STARD9: variants seen among roughly 807,000 people sequenced by gnomAD.
The protein encoded by STARD9 is stAR-related lipid transfer protein 9.
In STARD9, 346 loss-of-function variants were observed where a neutral mutation model predicts 399.8. That is an observed-to-expected ratio of 0.87 (90% CI 0.79 to 0.95). The LOEUF (loss-of-function observed/expected upper bound fraction) is 0.95. Among genes scored for constraint, STARD9 ranks in the 40% least tolerant of loss-of-function variants. The pLI, the probability that STARD9 is intolerant of heterozygous loss-of-function variation, is 0.00. For missense variants in STARD9, 5,832 were observed against 5,667.5 expected (o/e 1.03, Z -0.93); for synonymous variants, 2,203 against 2,143.5 (o/e 1.03, Z -0.77).
intron 3 of STARD9, among the ~76,000 whole-genome samples, chr15:42,617,879 C>T (rs769089032): frequency 9.9e-5 from 15 of 152,088 alleles, no homozygotes; most frequent in Admixed American, 3.9e-4. Context: ...CCAGCCTCAG[C>T]CTCCAGAGTA....
Position 42,694,679 on chromosome 15 carries a change from C to T in STARD9, c.12916C>T (p.Arg4306Ter), listed in dbSNP as rs971100428. 64 of 1,537,000 alleles carry T rather than the reference C, an allele frequency of 4.2e-5. No homozygotes were observed. Among genetic ancestry groups the T allele is most frequent in the African/African-American group, 8.2e-5 (6 of 73,000 alleles). ...GGATCTTGACTTGCCCAGCAGACGC[C>T]GAGAATACCTGCAGCAACTGAGGAA... ...IWDLDLPSRRREYLQQLRKDV... is the reference protein window; with the variant it reads ...IWDLDLPSRR The change falls in exon 24 of 33, where the codon CGA (arginine) becomes TGA (stop). Residue 4306 changes from arginine to a stop codon, truncating the protein, a stop_gained. Transcript: ENST00000290607. LOFTEE classifies it high-confidence loss of function.
intron 1 of STARD9, among the ~76,000 whole-genome samples, chr15:42,582,431 C>G (rs910002471): frequency 6.6e-6 from 1 of 152,108 alleles, no homozygotes; most frequent in Non-Finnish European, 1.5e-5. Flanking sequence ...TGTGGGTCAT[C>G]TGGATTAAGC....
At chr15:42,617,889 A>T (rs1397732224) in intron 3 of STARD9, among the ~76,000 whole-genome samples, 1 of 151,972 alleles carries the variant, frequency 6.6e-6, no homozygotes, top group Non-Finnish European at 1.5e-5. Context: ...CCTCCAGAGT[A>T]GCTGGGAATG....
intron 1 of STARD9, among the ~76,000 whole-genome samples, chr15:42,579,024 A>C (rs1475305447): frequency 6.6e-6 from 1 of 152,200 alleles, no homozygotes. Context: ...CACCAAATCC[A>C]ACCAGAAATT....
intron 3 of STARD9, among the ~76,000 whole-genome samples, chr15:42,588,776 GTTTTTTTTTTTTTTTTTTTT>G (rs758570571): frequency 0.31 from 11,405 of 36,770 alleles, 1,618 homozygotes; most frequent in East Asian, 0.41. Context: ...TCTTCACAGC[GTTTTTTTTTTTTTTTTTTTT>G]TTTTTTTTTT....
intron 9 of STARD9, among the ~76,000 whole-genome samples, chr15:42,655,962 CAT>C (rs2059860361): frequency 6.6e-6 from 1 of 151,972 alleles, no homozygotes; most frequent in South Asian, 2.1e-4. Flanking sequence ...TGGCAACAAA[CAT>C]AGGAAAAAAA....
intron 11 of STARD9, 39 bp downstream of exon 11, chr15:42,662,930 C>A: frequency 2.2e-6 from 3 of 1,348,690 alleles, no homozygotes; most frequent in South Asian, 1.3e-5. Context: ...AGGGAGAGTT[C>A]GGAAAATAAC....
At chr15:42,644,128 G>C (rs2059599468) in intron 7 of STARD9, among the ~76,000 whole-genome samples, 1 of 152,130 alleles carries the variant, frequency 6.6e-6, no homozygotes, top group African/African-American at 2.4e-5. Flanking sequence ...AAATGTTTTG[G>C]TTTCCCAGTG....
At position 42,718,493 on chromosome 15, in the gene STARD9, T is replaced by C. The variant is rs1468135220; in HGVS notation, c.13821T>C (p.Cys4607=). 6.5e-7 allele frequency: 1 copy of C among 1,537,212 alleles called. No individual in the cohort carries two copies. The change falls in exon 31 of 33, where the codon TGT becomes TGC. Residue 4607 remains cysteine, a synonymous_variant. Transcript: ENST00000290607. ...CALKQPRDFC[C]VCVEAKEGHL... is the part of the protein sequence containing the mutation. ...TGAAGCAGCCACGGGATTTCTGTTG[T>C]GTCTGCGTGGAAGCCAAAGAGGTGC... is the stretch of plus-strand genomic sequence containing the variant.
chr15:42,677,426 A>C (rs1287080448), intron 20 of STARD9, among the ~76,000 whole-genome samples: 1 of 152,220 alleles, frequency 6.6e-6, no homozygotes, highest in Non-Finnish European at 1.5e-5. Flanking sequence ...ATAAGGTAGA[A>C]GAGGTGACAC....
In STARD9 at chr15:42,691,051, A is replaced by T; in HGVS notation, c.9473A>T (p.Glu3158Val). ...EGSAESKLVV[E>V]PQHECLENTT... Reference sequence around the variant, plus strand: ...TCTGCTGAGAGCAAGTTGGTGGTAGAGCCACAGCATGAATGTTTAGAAAAT... The same window carrying T: ...TCTGCTGAGAGCAAGTTGGTGGTAGTGCCACAGCATGAATGTTTAGAAAAT... The change falls in exon 23 of 33, where the codon GAG becomes GTG. Residue 3158 changes from glutamate to valine, a missense_variant. Coordinates refer to ENST00000290607, the MANE Select transcript of STARD9 (RefSeq NM_020759.3). 1 of 1,537,230 alleles carries T rather than the reference A, an allele frequency of 6.5e-7. No homozygotes were observed. Among genetic ancestry groups the T allele is most frequent in the South Asian group, 1.2e-5 (1 of 84,062 alleles).
chr15:42,682,952 C>T (rs973860621), intron 22 of STARD9, among the ~76,000 whole-genome samples: 1 of 152,160 alleles, frequency 6.6e-6, no homozygotes, highest in African/African-American at 2.4e-5. Flanking sequence ...TCCTACACCA[C>T]CTCCCTCCCT....
chr15:42,637,387 G>GT (rs1252879884), intron 4 of STARD9, among the ~76,000 whole-genome samples: 1 of 151,934 alleles, frequency 6.6e-6, no homozygotes, highest in Non-Finnish European at 1.5e-5. Flanking sequence ...TAATTTTTTT[G>GT]TATTTTTAGT....
Position 42,702,492 on chromosome 15 carries a change from G to A in STARD9, c.13284+6612G>A, listed in dbSNP as rs192611335. The stretch of plus-strand genomic sequence containing the variant: ...ATTGGGATTACAGGCATGAGCCACC[G>A]CGCCCGGCCTGTTGTTATTATTTTT... On this transcript the variant is annotated intron_variant, in intron 26 of 32. Coordinates refer to ENST00000290607, the MANE Select transcript of STARD9 (RefSeq NM_020759.3). Among the ~76,000 whole-genome samples, 214 of 152,206 alleles carry A rather than the reference G, an allele frequency of 1.4e-3. 1 individual carries two copies. Among genetic ancestry groups the A allele is most frequent in the Middle Eastern group, 6.8e-3 (2 of 294 alleles).
chr15:42,665,915 T>TCCC, intron 15 of STARD9, 67 bp downstream of exon 15: 1 of 1,337,876 alleles, frequency 7.5e-7, no homozygotes, highest in Non-Finnish European at 1.0e-6. Context: ...ATTCCGGAGC[T>TCCC]AGGTAGGGTT....
In STARD9 at chr15:42,681,504, C is replaced by G; in HGVS notation, c.1957C>G (p.Gln653Glu). 6.5e-7 allele frequency: 1 copy of G among 1,537,210 alleles called. No individual in the cohort carries two copies. Among genetic ancestry groups the G allele is most frequent in the Non-Finnish European group, 8.7e-7 (1 of 1,146,886 alleles). ...ATCCCACAGGGCCCAGATTCAGCAG[C>G]AGCAGAGCTACGTAGAGGATTTGAG... Reference protein sequence around the residue: ...ETSHRAQIQQQQSYVEDLRHQ... With the variant: ...ETSHRAQIQQEQSYVEDLRHQ... The change falls in exon 21 of 33, where the codon CAG (glutamine) becomes GAG (glutamate). Residue 653 changes from glutamine to glutamate, a missense_variant. By Grantham distance (29) the Gln-to-Glu change is conservative. Around this residue, in one of 2 missense-constraint regions of STARD9, gnomAD observed 5,828 missense variants for 5,651.1 expected, o/e 1.03. Coordinates refer to ENST00000290607, the MANE Select transcript of STARD9 (RefSeq NM_020759.3).
Position 42,663,374 on chromosome 15 carries a change from C to G in STARD9, c.962C>G (p.Thr321Ser). The part of the protein sequence containing the change: ...DSGILSSPSG[T>S]SSGGAPSRRQ... ...GGGATCCTTAGCTCTCCTTCTGGGA[C>G]CAGCAGTGGAGGGGCACCCTCCCGA... The change falls in exon 12 of 33, where the codon ACC (threonine) becomes AGC (serine). Residue 321 changes from threonine (T) to serine (S), a missense_variant. This residue lies in a region of STARD9 where 5,828 missense variants were observed against 5,651.1 expected (regional missense o/e 1.03). Coordinates refer to ENST00000290607, the MANE Select transcript of STARD9 (RefSeq NM_020759.3). 1 of 1,537,276 alleles carries G rather than the reference C, an allele frequency of 6.5e-7. No individual in the cohort carries two copies. Among genetic ancestry groups the G allele is most frequent in the Non-Finnish European group, 8.7e-7 (1 of 1,146,898 alleles).
In STARD9 at chr15:42,693,010, G is replaced by A. The variant is rs1279513251; in HGVS notation, c.11432G>A (p.Ser3811Asn). 1.8e-5 allele frequency: 28 copies of A among 1,537,188 alleles called. No homozygotes were observed. Among genetic ancestry groups the A allele is most frequent in the Non-Finnish European group, 2.2e-5 (25 of 1,146,896 alleles). The change falls in exon 23 of 33, where the codon AGC becomes AAC. Residue 3811 changes from serine (S) to asparagine (N), a missense_variant. By Grantham distance (46) the Ser-to-Asn change is conservative (BLOSUM62 1). This residue lies in a region of STARD9 where 5,828 missense variants were observed against 5,651.1 expected (regional missense o/e 1.03). Transcript: ENST00000290607. ...QEESTPYKPQ[S>N]PSIPSSHLRF... ...GAAAGCACTCCCTACAAGCCCCAGA[G>A]CCCTTCAATACCCTCATCCCACTTG...
chr15:42,607,194 C>CTTTT (rs763484090), intron 3 of STARD9, among the ~76,000 whole-genome samples: 808 of 39,262 alleles, frequency 0.021, 288 homozygotes, highest in Middle Eastern at 0.056. Context: ...TTTTCTGGTG[C>CTTTT]TTTTTTTTTT....
Sources: gnomAD v4.1 joint callset for allele counts (sites outside exome capture counted in the v4.1 genomes callset) on GRCh38, gnomAD v4.1.1 for gene constraint, gnomAD v4.1.1 regional missense constraint, MANE v1.5 for transcripts, NCBI Gene and HGNC (gene_info 2026-07-23, HGNC 2026-07-21) for gene names.